Variants in ARHGAP26 observed in about 807,000 individuals in gnomAD.
ARHGAP26 encodes rho GTPase-activating protein 26.
In ARHGAP26, 38 loss-of-function variants were observed where a neutral mutation model predicts 104.8. The ratio of observed to expected loss-of-function variants is 0.36; its 90% CI spans 0.28 to 0.48. The LOEUF is 0.48. Ranked by LOEUF, ARHGAP26 falls within the 20% of genes least tolerant of loss-of-function variation. The pLI, the probability that ARHGAP26 is intolerant of heterozygous loss-of-function variation, is 0.99. For missense variants in ARHGAP26, 704 were observed against 947.9 expected (o/e 0.74, Z 3.38); for synonymous variants, 341 against 340.0 (o/e 1.00, Z -0.03).
chr5:143,102,874 C>G (rs931181534), intron 17 of ARHGAP26, among the ~76,000 whole-genome samples: 39 of 151,912 alleles, frequency 2.6e-4, no homozygotes, highest in African/African-American at 9.2e-4. Flanking sequence ...CATCCCAGTG[C>G]CTCTATGAAA....
chr5:142,955,601 G>T (rs37211), intron 11 of ARHGAP26, among the ~76,000 whole-genome samples: 30,086 of 152,096 alleles, frequency 0.2, 3,611 homozygotes, highest in East Asian at 0.47. Flanking sequence ...CAAACCTCCC[G>T]CCTCAATCAT....
chr5:142,843,032 G>A (rs1327041304), intron 1 of ARHGAP26, among the ~76,000 whole-genome samples: 1 of 152,150 alleles, frequency 6.6e-6, no homozygotes, highest in African/African-American at 2.4e-5. Context: ...TTTTTCTTCT[G>A]TTGGCATATC....
chr5:143,027,993 A>G (rs1434042229), intron 12 of ARHGAP26, among the ~76,000 whole-genome samples: 2 of 152,196 alleles, frequency 1.3e-5, no homozygotes, highest in Non-Finnish European at 2.9e-5. Context: ...AACCTGATCC[A>G]CAGCCCCCAG....
intron 11 of ARHGAP26, among the ~76,000 whole-genome samples, chr5:142,964,167 G>A (rs1770868859): frequency 6.6e-6 from 1 of 152,118 alleles, no homozygotes; most frequent in African/African-American, 2.4e-5. Flanking sequence ...TTAAAATATA[G>A]CCTTTTACCC....
intron 17 of ARHGAP26, among the ~76,000 whole-genome samples, chr5:143,072,411 CAAAGG>C (rs529438130): frequency 2.7e-4 from 41 of 152,188 alleles, no homozygotes; most frequent in African/African-American, 8.7e-4. Context: ...GAAACTATTC[CAAAGG>C]AAAGGAAATC....
At chr5:143,131,743 G>T (rs1040420734) in intron 18 of ARHGAP26, among the ~76,000 whole-genome samples, 1 of 152,174 alleles carries the variant, frequency 6.6e-6, no homozygotes, top group African/African-American at 2.4e-5. Flanking sequence ...TTGGCCTCCA[G>T]CTTAGAGATG....
At chr5:142,959,896 C>A (rs1231512621) in intron 11 of ARHGAP26, among the ~76,000 whole-genome samples, 1 of 152,200 alleles carries the variant, frequency 6.6e-6, no homozygotes, top group Non-Finnish European at 1.5e-5. Context: ...AAACTTTGGA[C>A]AAACCCTACC....
intron 1 of ARHGAP26, among the ~76,000 whole-genome samples, chr5:142,777,723 A>G (rs1184568717): frequency 6.6e-6 from 1 of 152,098 alleles, no homozygotes; most frequent in Non-Finnish European, 1.5e-5. Flanking sequence ...GAGGTAACCA[A>G]TGTAGGAGTC....
chr5:143,003,715 T>C (rs569401280), intron 11 of ARHGAP26, among the ~76,000 whole-genome samples: 2 of 152,266 alleles, frequency 1.3e-5, no homozygotes, highest in East Asian at 3.9e-4. Flanking sequence ...AAAAGGGAAA[T>C]AACGTTTTTG....
intron 1 of ARHGAP26, among the ~76,000 whole-genome samples, chr5:142,776,427 A>G (rs1756335630): frequency 6.6e-6 from 1 of 152,200 alleles, no homozygotes; most frequent in East Asian, 1.9e-4. Flanking sequence ...TCATACAACC[A>G]CTGATCTACT....
At chr5:142,911,689 C>T (rs2152480152) in intron 9 of ARHGAP26, among the ~76,000 whole-genome samples, 1 of 152,300 alleles carries the variant, frequency 6.6e-6, no homozygotes, top group African/African-American at 2.4e-5. Context: ...ATTTGGTGAT[C>T]CTTTATATAT....
intron 1 of ARHGAP26, among the ~76,000 whole-genome samples, chr5:142,772,001 G>T (rs1417543699): frequency 6.6e-6 from 1 of 152,212 alleles, no homozygotes; most frequent in Non-Finnish European, 1.5e-5. Context: ...TAGTGGAATT[G>T]TCTCTGACTC....
chr5:143,012,766 G>A (rs1779075465), intron 11 of ARHGAP26, among the ~76,000 whole-genome samples: 1 of 149,616 alleles, frequency 6.7e-6, no homozygotes, highest in Non-Finnish European at 1.5e-5. Flanking sequence ...CCATTCTCCT[G>A]CCTCAGCCTC....
chr5:142,942,415 A>G (rs1192215416), intron 11 of ARHGAP26, among the ~76,000 whole-genome samples: 1 of 152,194 alleles, frequency 6.6e-6, no homozygotes, highest in Admixed American at 6.5e-5. Context: ...ATGAAATAAG[A>G]TATCTGGGCA....
intron 10 of ARHGAP26, among the ~76,000 whole-genome samples, chr5:142,920,656 T>C (rs1429631032): frequency 6.6e-6 from 1 of 152,198 alleles, no homozygotes; most frequent in Non-Finnish European, 1.5e-5. Flanking sequence ...GCATTGGTAC[T>C]CTCTAGAGGT....
chr5:143,001,947 C>T (rs1000456855), intron 11 of ARHGAP26, among the ~76,000 whole-genome samples: 4 of 152,200 alleles, frequency 2.6e-5, no homozygotes, highest in Non-Finnish European at 5.9e-5. Context: ...ATGCAGTCCT[C>T]TGAACTGACA....
At chr5:143,013,607 G>A (rs959892337) in intron 11 of ARHGAP26, among the ~76,000 whole-genome samples, 3 of 152,126 alleles carry the variant, frequency 2.0e-5, no homozygotes, top group African/African-American at 7.2e-5. Context: ...CCACTAACTA[G>A]CTGTGAGACA....
chr5:142,901,840 A>G, intron 6 of ARHGAP26, 95 bp from the exon 7 acceptor site: 1 of 944,056 alleles, frequency 1.1e-6, no homozygotes, highest in Admixed American at 2.2e-5. Context: ...TCTTTATTTT[A>G]GACTTTCAAG....
At chr5:142,772,525 G>A (rs756078773) in intron 1 of ARHGAP26, among the ~76,000 whole-genome samples, 18 of 152,314 alleles carry the variant, frequency 1.2e-4, no homozygotes, top group Middle Eastern at 3.4e-3. Flanking sequence ...GGGCACTAAG[G>A]GTGTAGGAGT....
Sources: gnomAD v4.1 joint callset for allele counts (sites outside exome capture counted in the v4.1 genomes callset) on GRCh38, gnomAD v4.1.1 for gene constraint, MANE v1.5 for transcripts, NCBI Gene and HGNC (gene_info 2026-07-23, HGNC 2026-07-21) for gene names.